LCMT1: variants seen among roughly 807,000 people sequenced by gnomAD.
LCMT1 encodes [Phosphatase 2A protein]-leucine-carboxy methyltransferase 1.
Under a neutral mutation model 47.7 loss-of-function variants are expected in LCMT1, and 32 were observed. That is an observed-to-expected ratio of 0.67 (90% CI 0.51 to 0.90). The LOEUF is 0.90. Among genes scored for constraint, LCMT1 ranks in the 40% least tolerant of loss-of-function variants. The pLI is 0.00. For synonymous variants in LCMT1, 152 were observed against 149.7 expected (o/e 1.02, Z -0.11); for missense variants, 375 against 415.2 (o/e 0.90, Z 0.84).
chr16:25,112,324 G>A lies in LCMT1; in HGVS notation c.113+328G>A, dbSNP rs185159525. On this transcript the variant is annotated intron_variant, in intron 1 of 10. Coordinates refer to ENST00000399069, the MANE Select transcript of LCMT1 (RefSeq NM_016309.3). The stretch of plus-strand genomic sequence containing the variant: ...TGAAGCAAATAGTAGCTCCAGCCTC[G>A]ATGGGTTACGAGGATGAGAGGTGTA... 2.3e-3 allele frequency among the ~76,000 whole-genome samples: 353 copies of A among 152,300 alleles called. 1 individual carries two copies. The highest frequency in any genetic ancestry group is 4.4e-3 in the Non-Finnish European group (301 of 68,016).
At chr16:25,149,330 G>T (rs1348382836) in intron 4 of LCMT1, among the ~76,000 whole-genome samples, 1 of 152,182 alleles carries the variant, frequency 6.6e-6, no homozygotes, top group Non-Finnish European at 1.5e-5. Context: ...GAAGCCAAAA[G>T]ATTGGACACC....
chr16:25,137,425 C>T (rs756831029), intron 3 of LCMT1, among the ~76,000 whole-genome samples: 39 of 152,142 alleles, frequency 2.6e-4, no homozygotes, highest in Non-Finnish European at 4.9e-4. Context: ...TTCATGAGCC[C>T]AAGTCTCCTT....
intron 1 of LCMT1, among the ~76,000 whole-genome samples, chr16:25,120,752 G>GTTTTTTTTTTTTTT (rs377043606): frequency 1.7e-5 from 2 of 114,474 alleles, no homozygotes; most frequent in African/African-American, 3.3e-5. Flanking sequence ...TTTTTTTTTT[G>GTTTTTTTTTTTTTT]TTTTTTTTTT....
chr16:25,175,107 C>T, intron 10 of LCMT1, 73 bp downstream of exon 10: 1 of 819,710 alleles, frequency 1.2e-6, no homozygotes, highest in African/African-American at 1.7e-5. Context: ...TTCCCTTTCT[C>T]TTTCTGTTTT....
intron 9 of LCMT1, among the ~76,000 whole-genome samples, chr16:25,172,243 G>T (rs771454360): frequency 6.6e-6 from 1 of 151,356 alleles, no homozygotes; most frequent in Non-Finnish European, 1.5e-5. Context: ...GGAGGCGGAG[G>T]TTGCAGTGAG....
At chr16:25,134,133 A>G (rs1341757062) in intron 3 of LCMT1, among the ~76,000 whole-genome samples, 4 of 151,650 alleles carry the variant, frequency 2.6e-5, no homozygotes, top group Non-Finnish European at 4.4e-5. Context: ...TGTGACAGTA[A>G]TGGGAACGTG....
chr16:25,175,137 C>T (rs1393551442), intron 10 of LCMT1, 103 bp downstream of exon 10: 4 of 658,488 alleles, frequency 6.1e-6, no homozygotes, highest in Middle Eastern at 2.5e-4. Flanking sequence ...CTCTTTCTCT[C>T]TCTGTCCCTT....
chr16:25,115,316 G>C (rs1391016257), intron 1 of LCMT1, among the ~76,000 whole-genome samples: 1 of 152,078 alleles, frequency 6.6e-6, no homozygotes. Flanking sequence ...CGGTAATTCT[G>C]TTGACAGTGC....
At chr16:25,123,488 G>A (rs1185376200) in intron 1 of LCMT1, among the ~76,000 whole-genome samples, 4 of 150,696 alleles carry the variant, frequency 2.7e-5, no homozygotes, top group African/African-American at 9.8e-5. Flanking sequence ...GCCTCCCAAA[G>A]CGTTGGGATT....
chr16:25,140,125 A>T, intron 3 of LCMT1, 46 bp from the exon 4 acceptor site: 1 of 1,389,008 alleles, frequency 7.2e-7, no homozygotes, highest in Non-Finnish European at 1.0e-6. Flanking sequence ...GATGATCAGC[A>T]CATGTAAGAG....
intron 1 of LCMT1, among the ~76,000 whole-genome samples, 178 bp from the exon 2 acceptor site, chr16:25,128,297 T>C (rs1319839053): frequency 2.0e-5 from 3 of 152,214 alleles, no homozygotes; most frequent in Non-Finnish European, 4.4e-5. Context: ...AACATAAAGA[T>C]GAATGGATGG....
intron 2 of LCMT1, among the ~76,000 whole-genome samples, chr16:25,129,933 T>G (rs1597568915): frequency 6.6e-6 from 1 of 152,294 alleles, no homozygotes; most frequent in African/African-American, 2.4e-5. Flanking sequence ...TTTGTTGATG[T>G]TCCTCACTGT....
At position 25,154,418 on chromosome 16, in the gene LCMT1, C is replaced by T. The variant is rs1055210111; in HGVS notation, c.466+2803C>T. 3.3e-5 allele frequency among the ~76,000 whole-genome samples: 5 copies of T among 151,740 alleles called. 1 individual carries two copies. Among genetic ancestry groups the T allele is most frequent in the Non-Finnish European group, 5.9e-5 (4 of 67,968 alleles). On this transcript the variant is annotated intron_variant, in intron 5 of 10. Coordinates refer to ENST00000399069, the MANE Select transcript of LCMT1 (RefSeq NM_016309.3). ...GGACCTCTTGTAAATTTTTTTATTT[C>T]CTTTTTCCATTAGTTTGTAGTTTCT...
chr16:25,132,159 A>T lies in LCMT1; in HGVS notation c.206-243A>T, dbSNP rs753677425. On this transcript the variant is annotated intron_variant, in intron 2 of 10. Coordinates refer to ENST00000399069, the MANE Select transcript of LCMT1 (RefSeq NM_016309.3). ...TTTTTCATACATAAAACTATAGCTCATTTTTTCAAAGGTAGTTAATTGCTT... is the reference window on the plus strand; with the variant it reads ...TTTTTCATACATAAAACTATAGCTCTTTTTTTCAAAGGTAGTTAATTGCTT... The T allele has an allele frequency of 7.5e-6, 4 of 535,026 alleles. No individual in the cohort carries two copies. In the African/African-American group the frequency reaches 7.6e-5, roughly 10 times the overall value. 33.1% of individuals were successfully genotyped at this position (535,026 alleles called of 1,614,324 possible).
intron 1 of LCMT1, among the ~76,000 whole-genome samples, chr16:25,123,344 C>T (rs1471588674): frequency 6.7e-6 from 1 of 150,260 alleles, no homozygotes; most frequent in Non-Finnish European, 1.5e-5. Flanking sequence ...CCTGCCTTAG[C>T]CTCTTGAGAA....
At chr16:25,113,750 C>G (rs925293611) in intron 1 of LCMT1, among the ~76,000 whole-genome samples, 4 of 152,198 alleles carry the variant, frequency 2.6e-5, no homozygotes, top group African/African-American at 4.8e-5. Context: ...ATTCTCCTGC[C>G]TCAACCTTCC....
intron 1 of LCMT1, among the ~76,000 whole-genome samples, chr16:25,113,378 A>C (rs1024008942): frequency 6.6e-6 from 1 of 152,116 alleles, no homozygotes; most frequent in Non-Finnish European, 1.5e-5. Flanking sequence ...CTGGAGCTAG[A>C]CTCTGTCAAA....
intron 4 of LCMT1, chr16:25,142,541 G>GCAGTTGGA (rs1380792222): frequency 3.3e-5 from 5 of 152,180 alleles, no homozygotes; most frequent in Admixed American, 6.5e-5. Context: ...AGCACACCCA[G>GCAGTTGGA]CAGTTGGACA....
intron 3 of LCMT1, among the ~76,000 whole-genome samples, chr16:25,134,965 G>C (rs1249965194): frequency 6.6e-6 from 1 of 152,176 alleles, no homozygotes; most frequent in Non-Finnish European, 1.5e-5. Context: ...GCACAGTACA[G>C]TGTGAGAGAA....
Sources: gnomAD v4.1 joint callset for allele counts (sites outside exome capture counted in the v4.1 genomes callset) on GRCh38, gnomAD v4.1.1 for gene constraint, MANE v1.5 for transcripts, NCBI Gene and HGNC (gene_info 2026-07-23, HGNC 2026-07-21) for gene names.